The following LINGO2 variants were observed in gnomAD, a reference collection of about 807,000 sequenced individuals.
LINGO2 encodes leucine-rich repeat and immunoglobulin-like domain-containing nogo receptor-interacting protein 2.
In LINGO2, 14 loss-of-function variants were observed where a neutral mutation model predicts 30.6. The ratio of observed to expected loss-of-function variants is 0.46; its 90% CI spans 0.30 to 0.72. LINGO2 has a LOEUF of 0.72. LINGO2 is among the 30% of genes least tolerant of loss of function. LINGO2 has a pLI of 0.07. For missense variants in LINGO2, 729 were observed against 751.7 expected (o/e 0.97, Z 0.35); for synonymous variants, 317 against 288.5 (o/e 1.10, Z -1.00).
intron 1 of LINGO2, among the ~76,000 whole-genome samples, chr9:28,643,322 CT>C (rs1381828047): frequency 6.6e-6 from 1 of 151,866 alleles, no homozygotes; most frequent in Non-Finnish European, 1.5e-5. Context: ...AAAAAGCATG[CT>C]ACTGGCATAA....
At chr9:29,143,159 G>C in the LINGO2 span, among the ~76,000 whole-genome samples, 4 of 151,956 alleles carry the variant, frequency 2.6e-5, no homozygotes, top group African/African-American at 7.2e-5. Context: ...ACAAATAAGT[G>C]GAAGTCTTTT....
downstream of LINGO2, among the ~76,000 whole-genome samples, chr9:27,945,528 C>A (rs568911409): frequency 6.6e-6 from 1 of 152,208 alleles, no homozygotes; most frequent in South Asian, 2.1e-4. Context: ...TGAAAACCAA[C>A]TGGAGTGAAA....
At chr9:28,725,451 C>T in the LINGO2 span, among the ~76,000 whole-genome samples, 3 of 151,276 alleles carry the variant, frequency 2.0e-5, no homozygotes, top group Admixed American at 6.6e-5. Context: ...GAATGAACAA[C>T]GTATCACCGT....
the LINGO2 span, among the ~76,000 whole-genome samples, chr9:28,785,228 T>C: frequency 2.6e-5 from 4 of 152,190 alleles, no homozygotes; most frequent in Non-Finnish European, 4.4e-5. Context: ...CATTACATTA[T>C]GAAGAGTCTT....
At chr9:29,162,384 A>G in the LINGO2 span, among the ~76,000 whole-genome samples, 1 of 152,246 alleles carries the variant, frequency 6.6e-6, no homozygotes, top group Non-Finnish European at 1.5e-5. Flanking sequence ...ATGTTTGAAT[A>G]TATCAATGTT....
At chr9:28,974,556 TA>T in the LINGO2 span, among the ~76,000 whole-genome samples, 1 of 152,202 alleles carries the variant, frequency 6.6e-6, no homozygotes, top group African/African-American at 2.4e-5. Flanking sequence ...GTTATTAAAG[TA>T]ATGGGTTATA....
chr9:28,377,856 C>T (rs1279037326), intron 2 of LINGO2, among the ~76,000 whole-genome samples: 1 of 152,096 alleles, frequency 6.6e-6, no homozygotes, highest in Non-Finnish European at 1.5e-5. Context: ...GTAGTCAGAA[C>T]AATTTACGGT....
chr9:28,318,422 G>A (rs746597601), intron 3 of LINGO2, among the ~76,000 whole-genome samples: 1 of 152,128 alleles, frequency 6.6e-6, no homozygotes, highest in Non-Finnish European at 1.5e-5. Flanking sequence ...TATTTAAAGT[G>A]TGAACTATGT....
chr9:28,247,272 A>G (rs1325208778), intron 4 of LINGO2, among the ~76,000 whole-genome samples: 1 of 152,208 alleles, frequency 6.6e-6, no homozygotes, highest in African/African-American at 2.4e-5. Context: ...AGGAATATAA[A>G]TCATTCTATT....
At chr9:28,493,725 A>C (rs1819464188) in intron 1 of LINGO2, among the ~76,000 whole-genome samples, 1 of 152,186 alleles carries the variant, frequency 6.6e-6, no homozygotes, top group African/African-American at 2.4e-5. Flanking sequence ...TTAACATTTG[A>C]GTCAGTGGAC....
At chr9:28,365,692 C>T (rs1178098501) in intron 3 of LINGO2, among the ~76,000 whole-genome samples, 1 of 151,252 alleles carries the variant, frequency 6.6e-6, no homozygotes, top group East Asian at 1.9e-4. Context: ...TTGGGGTTTA[C>T]GGTTTACCCT....
chr9:28,821,357 G>A, the LINGO2 span, among the ~76,000 whole-genome samples: 6 of 152,212 alleles, frequency 3.9e-5, no homozygotes, highest in Admixed American at 3.9e-4. Context: ...CAAAAGCTGG[G>A]CTGAAAGATT....
the LINGO2 span, among the ~76,000 whole-genome samples, chr9:28,992,454 C>A: frequency 9.5e-4 from 1 of 1,048 alleles, no homozygotes; most frequent in Non-Finnish European, 0.011. Context: ...TTAGACAGAT[C>A]AATGAGACAA....
At chr9:28,894,617 T>C in the LINGO2 span, among the ~76,000 whole-genome samples, 1 of 151,856 alleles carries the variant, frequency 6.6e-6, no homozygotes. Context: ...TGAGAAGCAA[T>C]AGTATTTTTT....
rs73445587 is a variant in LINGO2 at position 28,664,648 on chromosome 9, C to T, written c.-365+5552G>A. The stretch of plus-strand genomic sequence containing the variant: ...ACACAAATTTTCATCAAATGGCTAT[C>T]GCACAGAACCAAGGAATCTCTCCAA... On this transcript the variant is annotated intron_variant, in intron 1 of 5. Transcript: ENST00000379992. Among the ~76,000 whole-genome samples the T allele has an allele frequency of 8.2e-3, 1,241 of 152,110 alleles. 24 individuals carry two copies. Among genetic ancestry groups the T allele is most frequent in the African/African-American group, 0.029 (1,197 of 41,524 alleles).
chr9:28,811,294 C>T, the LINGO2 span, among the ~76,000 whole-genome samples: 3 of 152,112 alleles, frequency 2.0e-5, no homozygotes, highest in Non-Finnish European at 4.4e-5. Context: ...ACCCTAGTCC[C>T]AGTCACAATT....
At chr9:29,067,123 G>C in the LINGO2 span, among the ~76,000 whole-genome samples, 2 of 151,716 alleles carry the variant, frequency 1.3e-5, no homozygotes, top group African/African-American at 4.8e-5. Context: ...ACACCTTTTT[G>C]AAAAGTCAAG....
At chr9:28,784,121 G>GT in the LINGO2 span, among the ~76,000 whole-genome samples, 438 of 152,242 alleles carry the variant, frequency 2.9e-3, 3 homozygotes, top group African/African-American at 0.01. Flanking sequence ...AAAATTAATT[G>GT]TTTTTTAAAA....
At chr9:28,579,566 T>A (rs541886542) in intron 1 of LINGO2, among the ~76,000 whole-genome samples, 1 of 152,108 alleles carries the variant, frequency 6.6e-6, no homozygotes, top group Non-Finnish European at 1.5e-5. Context: ...TTAATAATTG[T>A]GTTATTTTGC....
Sources: allele counts gnomAD v4.1 joint callset (sites outside exome capture counted in the v4.1 genomes callset), GRCh38; gene constraint gnomAD v4.1.1; transcripts MANE v1.5; gene names NCBI Gene and HGNC (gene_info 2026-07-23, HGNC 2026-07-21).